The following SENP7 variants were observed in gnomAD, a reference collection of about 807,000 sequenced individuals.
The protein encoded by SENP7 is sentrin-specific protease 7.
In SENP7, 64 loss-of-function variants were observed where a neutral mutation model predicts 141.2. The observed-to-expected ratio is 0.45, with a 90% CI of 0.37 to 0.56. The LOEUF (loss-of-function observed/expected upper bound fraction) is 0.56. SENP7 is among the 20% of genes least tolerant of loss of function. SENP7 has a pLI of 0.00. For missense variants in SENP7, 1,025 were observed against 1,212.2 expected (o/e 0.85, Z 2.29); for synonymous variants, 382 against 426.4 (o/e 0.90, Z 1.28).
intron 5 of SENP7, 93 bp from the exon 6 acceptor site, chr3:101,399,148 C>A: frequency 1.3e-6 from 1 of 764,796 alleles, no homozygotes; most frequent in Non-Finnish European, 1.9e-6. Context: ...TCATTGCCAT[C>A]TTAGCACAAG....
chr3:101,363,652 C>A (rs976187422), intron 10 of SENP7, among the ~76,000 whole-genome samples: 2 of 152,148 alleles, frequency 1.3e-5, no homozygotes, highest in African/African-American at 4.8e-5. Context: ...AGGATATTGA[C>A]CCCATCTGGT....
chr3:101,457,695 G>A, intron 4 of SENP7: 1 of 1,230,740 alleles, frequency 8.1e-7, no homozygotes, highest in Non-Finnish European at 1.2e-6. Context: ...CTGCAGTTTG[G>A]CAAGTTTTTC....
chr3:101,472,274 T>C (rs1236403508), intron 3 of SENP7, among the ~76,000 whole-genome samples: 1 of 152,176 alleles, frequency 6.6e-6, no homozygotes, highest in Non-Finnish European at 1.5e-5. Flanking sequence ...AATGATAGAC[T>C]GGATTAAGAA....
At chr3:101,438,453 T>C (rs1449724732) in intron 4 of SENP7, among the ~76,000 whole-genome samples, 1 of 152,082 alleles carries the variant, frequency 6.6e-6, no homozygotes, top group African/African-American at 2.4e-5. Context: ...TTTTAATGGG[T>C]TTCAGTTTTA....
At chr3:101,326,111 T>G in intron 23 of SENP7, 31 bp from the exon 24 acceptor site, 1 of 1,485,026 alleles carries the variant, frequency 6.7e-7, no homozygotes, top group Non-Finnish European at 9.0e-7. Context: ...GTGTAATCAC[T>G]TTAGCAGCAT....
At chr3:101,400,249 T>C (rs1480878699) in intron 5 of SENP7, among the ~76,000 whole-genome samples, 1 of 152,236 alleles carries the variant, frequency 6.6e-6, no homozygotes, top group African/African-American at 2.4e-5. Context: ...TTGACTGTTA[T>C]CAATATGCCA....
At chr3:101,393,859 T>G (rs1241743394) in intron 6 of SENP7, among the ~76,000 whole-genome samples, 1 of 152,140 alleles carries the variant, frequency 6.6e-6, no homozygotes, top group African/African-American at 2.4e-5. Flanking sequence ...AACAACTCAT[T>G]CTCACGGGTA....
intron 3 of SENP7, among the ~76,000 whole-genome samples, chr3:101,491,069 T>C (rs901388400): frequency 6.6e-6 from 1 of 151,794 alleles, no homozygotes; most frequent in Non-Finnish European, 1.5e-5. Flanking sequence ...AACTCATTAA[T>C]AGTGGTTGCC....
In SENP7 at chr3:101,325,150, G is replaced by A. The variant is rs949148267; in HGVS notation, c.*793C>T. ...CTATACATAAATTCCGTGATAATGT[G>A]AGTGAATATTTATATAGCAGTACCT... On this transcript the variant is annotated 3_prime_UTR_variant, in exon 24 of 24. Coordinates refer to ENST00000394095, the MANE Select transcript of SENP7 (RefSeq NM_020654.5). 1 of 151,952 alleles carries A rather than the reference G, an allele frequency of 6.6e-6. No individual in the cohort carries two copies. Among genetic ancestry groups the A allele is most frequent in the Non-Finnish European group, 1.5e-5 (1 of 67,964 alleles). The allele number at this position is 151,952 out of a possible 1,614,324, so 9.4% of individuals were successfully genotyped here.
chr3:101,455,474 C>T (rs1283024015), intron 4 of SENP7, among the ~76,000 whole-genome samples: 3 of 152,024 alleles, frequency 2.0e-5, no homozygotes, highest in Non-Finnish European at 2.9e-5. Context: ...TGATATTGCT[C>T]ATGTACTCTT....
chr3:101,431,872 G>GC (rs1559815563), intron 4 of SENP7, among the ~76,000 whole-genome samples: 1 of 151,914 alleles, frequency 6.6e-6, no homozygotes, highest in Non-Finnish European at 1.5e-5. Context: ...AAATACTAAA[G>GC]AAGCAGTTTT....
intron 20 of SENP7, 36 bp from the exon 21 acceptor site, chr3:101,328,725 G>A (rs1208855190): frequency 3.3e-6 from 5 of 1,515,720 alleles, no homozygotes; most frequent in Non-Finnish European, 4.6e-6. Flanking sequence ...TGCAATTAAA[G>A]CTATTTTGAA....
At chr3:101,385,215 CA>C (rs1005703871) in intron 6 of SENP7, among the ~76,000 whole-genome samples, 2 of 151,312 alleles carry the variant, frequency 1.3e-5, no homozygotes, top group Non-Finnish European at 3.0e-5. Context: ...GACATATAGA[CA>C]AAAAAAATAC....
chr3:101,363,584 T>C (rs994911141), intron 10 of SENP7, among the ~76,000 whole-genome samples: 2 of 152,172 alleles, frequency 1.3e-5, no homozygotes, highest in Non-Finnish European at 2.9e-5. Context: ...CTTCTACAAG[T>C]TTAAATTCAT....
intron 5 of SENP7, among the ~76,000 whole-genome samples, chr3:101,408,522 A>C (rs974401198): frequency 2.0e-5 from 3 of 152,200 alleles, no homozygotes; most frequent in Non-Finnish European, 4.4e-5. Flanking sequence ...ACACAGATGC[A>C]AAAGTCCTTA....
chr3:101,414,962 C>T (rs1215722591), intron 5 of SENP7, among the ~76,000 whole-genome samples: 1 of 152,200 alleles, frequency 6.6e-6, no homozygotes, highest in African/African-American at 2.4e-5. Flanking sequence ...TCTTACTACA[C>T]AGGTACCAAT....
rs548155057 is a variant in SENP7, at chr3:101,343,832, G to A, written c.1960C>T (p.Pro654Ser). 1.9e-6 allele frequency: 3 copies of A among 1,613,556 alleles called. No homozygotes were observed. The African/African-American group carries it at 4.0e-5, about 22-fold the overall frequency. ...IISGELELSYPLSWVQAFPLF... is the reference protein window; with the variant it reads ...IISGELELSYSLSWVQAFPLF... ...GGAAATGCCTGAACCCAAGACAACG[G>A]GTAAGAAAGCTCTAATTCTCCACTG... The change falls in exon 14 of 24, where the codon CCG becomes TCG. Residue 654 changes from proline to serine, a missense_variant. By Grantham distance (74) the Pro-to-Ser change is moderately conservative (BLOSUM62 -1). This residue lies in a region of SENP7 where 228 missense variants were observed against 228.5 expected (regional missense o/e 1.00). Coordinates refer to ENST00000394095, the MANE Select transcript of SENP7 (RefSeq NM_020654.5).
chr3:101,472,867 C>A (rs187272092), intron 3 of SENP7, among the ~76,000 whole-genome samples: 1 of 151,530 alleles, frequency 6.6e-6, no homozygotes, highest in Non-Finnish European at 1.5e-5. Context: ...GATATTAGGC[C>A]TAGTACTCAT....
intron 7 of SENP7, among the ~76,000 whole-genome samples, chr3:101,371,190 G>A (rs1187635142): frequency 2.6e-5 from 4 of 152,152 alleles, no homozygotes; most frequent in Non-Finnish European, 4.4e-5. Flanking sequence ...TCGGGAGGCT[G>A]ATGTGGGAGG....
Sources: allele counts gnomAD v4.1 joint callset (sites outside exome capture counted in the v4.1 genomes callset), GRCh38; gene constraint gnomAD v4.1.1; regional missense constraint gnomAD v4.1.1; transcripts MANE v1.5; gene names NCBI Gene and HGNC (gene_info 2026-07-23, HGNC 2026-07-21).